GABPB2: variants seen among roughly 807,000 people sequenced by gnomAD.
The protein encoded by GABPB2 is GA binding protein transcription factor subunit beta 2.
In GABPB2, 23 loss-of-function variants were observed where a neutral mutation model predicts 39.1. The observed-to-expected ratio is 0.59, with a 90% CI of 0.42 to 0.83. The LOEUF is 0.83. GABPB2 is among the 40% of genes least tolerant of loss of function. GABPB2 has a pLI of 0.00. For missense variants in GABPB2, 467 were observed against 541.1 expected (o/e 0.86, Z 1.36); for synonymous variants, 184 against 199.3 (o/e 0.92, Z 0.65).
intron 1 of GABPB2, among the ~76,000 whole-genome samples, chr1:151,081,506 A>C (rs1224267869): frequency 6.6e-6 from 1 of 152,068 alleles, no homozygotes; most frequent in East Asian, 1.9e-4. Flanking sequence ...CCAAAAAAGA[A>C]ACAAAGAAAC....
intron 7 of GABPB2, among the ~76,000 whole-genome samples, chr1:151,109,960 A>T (rs142397244): frequency 0.013 from 1,707 of 134,514 alleles, 20 homozygotes; most frequent in Non-Finnish European, 0.021. Flanking sequence ...TGCCTCAGCC[A>T]CCGGAGTAGA....
chr1:151,116,412 A>AAG (rs1680871223), intron 7 of GABPB2, among the ~76,000 whole-genome samples: 1 of 151,524 alleles, frequency 6.6e-6, no homozygotes, highest in Non-Finnish European at 1.5e-5. Flanking sequence ...AAAAAAAAAA[A>AAG]AAAAACAACT....
chr1:151,079,057 G>A (rs1677431580), intron 1 of GABPB2, among the ~76,000 whole-genome samples: 2 of 151,976 alleles, frequency 1.3e-5, no homozygotes, highest in Non-Finnish European at 2.9e-5. Context: ...CTTGAAGAAC[G>A]CATTTCTATA....
At chr1:151,107,816 G>A (rs2101549967) in intron 7 of GABPB2, among the ~76,000 whole-genome samples, 1 of 152,056 alleles carries the variant, frequency 6.6e-6, no homozygotes, top group African/African-American at 2.4e-5. Context: ...CACGCCTATA[G>A]TCCCAGCTAC....
rs1419088459 is a variant in GABPB2, at chr1:151,088,494, G to A, written c.108+197G>A. The stretch of plus-strand genomic sequence containing the variant: ...GTTTTCCAAATTGAGAGTCTCCTGT[G>A]GATATATAGGTGATAATTGTAAGGT... On this transcript the variant is annotated intron_variant, in intron 2 of 8. Transcript: ENST00000368918. 55 of 1,293,648 alleles carry A rather than the reference G, an allele frequency of 4.3e-5. 1 individual carries two copies. The East Asian group carries it at 1.5e-3, about 36-fold the overall frequency. 80.1% of individuals were successfully genotyped at this position (1,293,648 alleles called of 1,614,324 possible).
Position 151,118,267 on chromosome 1 carries a change from C to A in GABPB2, c.*11C>A, listed in dbSNP as rs1045078068. ...ACTGTTTCATCTTAATATGCAAGGG[C>A]CACAATTTGCACTGTGTTCATATTA... On this transcript the variant is annotated 3_prime_UTR_variant, in exon 9 of 9. Transcript: ENST00000368918. The A allele has an allele frequency of 6.2e-7, 1 of 1,606,270 alleles. No individual in the cohort carries two copies. Among genetic ancestry groups the A allele is most frequent in the African/African-American group, 1.3e-5 (1 of 74,674 alleles).
chr1:151,093,170 A>T, intron 3 of GABPB2, 22 bp from the exon 4 acceptor site: 1 of 1,533,332 alleles, frequency 6.5e-7, no homozygotes, highest in East Asian at 2.4e-5. Flanking sequence ...TGTTTGTTGA[A>T]AAAAATGCTT....
intron 4 of GABPB2, among the ~76,000 whole-genome samples, chr1:151,097,551 G>A (rs895277998): frequency 1.3e-5 from 2 of 152,076 alleles, no homozygotes; most frequent in Non-Finnish European, 2.9e-5. Context: ...GGAGGCCAAG[G>A]TGGGCGATTT....
chr1:151,113,078 T>C (rs67199650), intron 7 of GABPB2, among the ~76,000 whole-genome samples: 140,644 of 151,842 alleles, frequency 0.93, 65,190 homozygotes, highest in East Asian at 0.97. Context: ...GCCTAGCCCC[T>C]CAATTTTTTT....
Position 151,117,461 on chromosome 1 carries a change from C to T in GABPB2, c.992C>T (p.Pro331Leu), listed in dbSNP as rs1461638880. The T allele has an allele frequency of 6.2e-7, 1 of 1,613,696 alleles. No homozygotes were observed. Among genetic ancestry groups the T allele is most frequent in the Non-Finnish European group, 8.5e-7 (1 of 1,179,834 alleles). ...AAAGAGGAAGAAGAAGAGAAGTTGC[C>T]ACTAACAAAGAAACCAAGGATAGGA... is the stretch of plus-strand genomic sequence containing the variant. ...VIKEEEEEKL[P>L]LTKKPRIGEK... Residue 331 changes from proline to leucine, a missense_variant, in exon 8 of 9, where the codon CCA becomes CTA. Transcript: ENST00000368918.
At position 151,118,647 on chromosome 1, in the gene GABPB2, C is replaced by T. The variant is rs968363070; in HGVS notation, c.*391C>T. On this transcript the variant is annotated 3_prime_UTR_variant, in exon 9 of 9. Transcript: ENST00000368918. ...TTTAATAATTATACCATCAAGTGAC[C>T]TGAAAATGCCCCTTAGATTTATGAT... 4.4e-5 allele frequency: 7 copies of T among 157,760 alleles called. No homozygotes were observed. The highest frequency in any genetic ancestry group is 1.4e-4 in the African/African-American group (6 of 41,442). The allele number at this position is 157,760 out of a possible 1,614,324, so 9.8% of individuals were successfully genotyped here.
chr1:151,098,104 A>G, intron 5 of GABPB2, 102 bp downstream of exon 5: 1 of 938,064 alleles, frequency 1.1e-6, no homozygotes, highest in Non-Finnish European at 1.6e-6. Context: ...CTCCTTAATT[A>G]AAATATTGCC....
At chr1:151,079,757 A>G (rs1571890410) in intron 1 of GABPB2, among the ~76,000 whole-genome samples, 1 of 151,784 alleles carries the variant, frequency 6.6e-6, no homozygotes, top group Admixed American at 6.6e-5. Flanking sequence ...TTAGCTGGGC[A>G]TGGTGACACA....
intron 7 of GABPB2, among the ~76,000 whole-genome samples, chr1:151,115,635 A>T (rs1227066176): frequency 6.6e-6 from 1 of 151,936 alleles, no homozygotes; most frequent in African/African-American, 2.4e-5. Flanking sequence ...TCCTGAGCTC[A>T]GGCAGTCTGC....
At chr1:151,095,955 C>G (rs1679064824) in intron 4 of GABPB2, among the ~76,000 whole-genome samples, 2 of 149,388 alleles carry the variant, frequency 1.3e-5, no homozygotes, top group Admixed American at 1.4e-4. Context: ...ATCGGTTGAA[C>G]TTGGGAGGTG....
At chr1:151,117,581 C>A in intron 8 of GABPB2, 65 bp downstream of exon 8, 1 of 1,536,884 alleles carries the variant, frequency 6.5e-7, no homozygotes, top group Non-Finnish European at 8.9e-7. Flanking sequence ...AACCCTTCTT[C>A]ATCTTTTCTT....
At chr1:151,078,928 TC>T (rs1677421757) in intron 1 of GABPB2, among the ~76,000 whole-genome samples, 1 of 151,934 alleles carries the variant, frequency 6.6e-6, no homozygotes, top group African/African-American at 2.4e-5. Context: ...TGCCTCTGCC[TC>T]CCAAAGTGCT....
intron 2 of GABPB2, 103 bp from the exon 3 acceptor site, chr1:151,090,303 T>G: frequency 9.0e-7 from 1 of 1,114,200 alleles, no homozygotes; most frequent in Non-Finnish European, 1.3e-6. Context: ...AACCAGATTC[T>G]CTCTTGAAGG....
intron 1 of GABPB2, among the ~76,000 whole-genome samples, chr1:151,087,226 ATCC>A (rs1558133346): frequency 6.6e-6 from 1 of 151,918 alleles, no homozygotes. Context: ...AGCTCAAGTA[ATCC>A]TCCTACTTTG....
Sources: allele counts gnomAD v4.1 joint callset (sites outside exome capture counted in the v4.1 genomes callset), GRCh38; gene constraint gnomAD v4.1.1; transcripts MANE v1.5; gene names NCBI Gene and HGNC (gene_info 2026-07-23, HGNC 2026-07-21).